The following RGS1 variants were observed in gnomAD, a reference collection of about 807,000 sequenced individuals.
The protein encoded by RGS1 is B-cell activation protein BL34.
A neutral mutation model predicts 22.2 loss-of-function variants in RGS1; 11 were observed. The observed-to-expected ratio is 0.50, with a 90% CI of 0.31 to 0.82. The LOEUF (loss-of-function observed/expected upper bound fraction) is 0.82, where lower values mean the gene tolerates loss of function less well. RGS1 is among the 40% of genes least tolerant of loss of function. The pLI, the probability that RGS1 is intolerant of heterozygous loss-of-function variation, is 0.04. For synonymous variants in RGS1, 81 were observed against 79.9 expected, an observed-to-expected ratio of 1.01 and a Z score of -0.07; for missense variants, 255 against 245.8, an observed-to-expected ratio of 1.04 and a Z score of -0.25.
At chr1:192,577,554 C>T (rs1227129268) in intron 3 of RGS1, 1 of 151,780 alleles carries the variant, frequency 6.6e-6, no homozygotes, top group Admixed American at 6.6e-5. Context: ...AGTGTGGTCT[C>T]TATCTCTAAA....
intron 3 of RGS1, 56 bp downstream of exon 3, chr1:192,576,891 T>A: frequency 2.1e-6 from 3 of 1,431,758 alleles, no homozygotes; most frequent in Non-Finnish European, 2.9e-6. Context: ...AAAAATTGAA[T>A]GGCTTCACTA....
intron 2 of RGS1, 115 bp downstream of exon 2, chr1:192,576,480 G>A: frequency 2.7e-6 from 2 of 737,946 alleles, no homozygotes; most frequent in Non-Finnish European, 4.5e-6. Context: ...TTTCTTTTAA[G>A]TAACATGCCA....
At chr1:192,577,743 T>C (rs762216375) in intron 3 of RGS1, 2 of 160,418 alleles carry the variant, frequency 1.2e-5, no homozygotes, top group African/African-American at 2.4e-5. Context: ...ACATAATTAG[T>C]ACATCAGGCC....
Position 192,579,314 on chromosome 1 carries a change from C to G in RGS1, c.622C>G (p.Leu208Val). Residue 208 changes from leucine (L) to valine (V), a missense_variant, in exon 5 of 5, where the codon CTA (leucine) becomes GTA (valine). By Grantham distance (32) the Leu-to-Val change is conservative. Coordinates refer to ENST00000367459, the MANE Select transcript of RGS1 (RefSeq NM_002922.4). ...NLLNDLQANS[L>V]K is the part of the protein sequence containing the mutation. ...TCTAAATGACCTGCAGGCTAATAGC[C>G]TAAAGTGACTGGTCCCTGGCTGAAG... 1 of 1,612,334 alleles carries G rather than the reference C, an allele frequency of 6.2e-7. No homozygotes were observed.
chr1:192,579,004 G>A (rs981904808), intron 4 of RGS1, 133 bp from the exon 5 acceptor site: 2 of 795,744 alleles, frequency 2.5e-6, no homozygotes, highest in Admixed American at 5.7e-5. Flanking sequence ...TTTTACAAAG[G>A]CATTTAAGAG....
chr1:192,578,838 C>A, intron 4 of RGS1: 1 of 377,878 alleles, frequency 2.6e-6, no homozygotes. Flanking sequence ...TCTTAAATGC[C>A]TACATCACTC....
intron 3 of RGS1, 94 bp from the exon 4 acceptor site, chr1:192,578,128 A>G (rs1662096165): frequency 7.0e-7 from 1 of 1,418,882 alleles, no homozygotes; most frequent in African/African-American, 1.4e-5. Context: ...ATAGGAAGCA[A>G]TTGTATTTTT....
intron 2 of RGS1, 145 bp downstream of exon 2, chr1:192,576,510 T>C: frequency 1.5e-6 from 1 of 653,122 alleles, no homozygotes. Context: ...AGACTATCAG[T>C]ACCAATGTAA....
In RGS1 at chr1:192,579,873, A is replaced by G. The variant is rs1238586085; in HGVS notation, c.*551A>G. The G allele has an allele frequency of 6.6e-6, 1 of 152,206 alleles. No homozygotes were observed. Among genetic ancestry groups the G allele is most frequent in the Non-Finnish European group, 1.5e-5 (1 of 68,030 alleles). 9.4% of individuals were successfully genotyped at this position (152,206 alleles called of 1,614,324 possible). On this transcript the variant is annotated 3_prime_UTR_variant, in exon 5 of 5. Transcript: ENST00000367459. ...ATTGCTCTTAAAACCAGGGAGTCAGAATATATTTGTAAGTTAAATCATTGG... is the reference window on the plus strand; with the variant it reads ...ATTGCTCTTAAAACCAGGGAGTCAGGATATATTTGTAAGTTAAATCATTGG...
At chr1:192,577,655 T>C (rs1015465717) in intron 3 of RGS1, 2 of 154,034 alleles carry the variant, frequency 1.3e-5, no homozygotes, top group African/African-American at 4.8e-5. Context: ...ACTTTGTTTA[T>C]AATTCAGCTA....
chr1:192,576,201 C>T, intron 1 of RGS1, 84 bp from the exon 2 acceptor site: 1 of 1,182,110 alleles, frequency 8.5e-7, no homozygotes, highest in Non-Finnish European at 1.2e-6. Flanking sequence ...TTGCCTTATT[C>T]CTTAGAGAAA....
chr1:192,578,205 C>A lies in RGS1; in HGVS notation c.281-17C>A, dbSNP rs750850227. On this transcript the variant is annotated splice_polypyrimidine_tract_variant and intron_variant, in intron 3 of 4. Transcript: ENST00000367459. ...TTAATTTAATTATCTCCCCACCCAC[C>A]CCTCGTTTCTTTTTAGCTGGTCAAA... The A allele has an allele frequency of 6.9e-6, 11 of 1,593,412 alleles. No homozygotes were observed. The South Asian group carries it at 9.2e-5, about 13-fold the overall frequency.
rs542985822 is a variant in RGS1 at position 192,576,428 on chromosome 1, T to A, written c.218+63T>A. On this transcript the variant is annotated intron_variant, in intron 2 of 4. Coordinates refer to ENST00000367459, the MANE Select transcript of RGS1 (RefSeq NM_002922.4). ...ACAAGAGAAGCCTATGCATTATCTC[T>A]ATATCCCAGCAAGGGATAAATACTG... The A allele has an allele frequency of 5.8e-6, 7 of 1,208,988 alleles. No homozygotes were observed. The South Asian group carries it at 7.5e-5, about 13-fold the overall frequency. 74.9% of individuals were successfully genotyped at this position (1,208,988 alleles called of 1,614,324 possible).
intron 2 of RGS1, 141 bp from the exon 3 acceptor site, chr1:192,576,633 C>A: frequency 1.3e-6 from 1 of 775,766 alleles, no homozygotes; most frequent in Non-Finnish European, 1.9e-6. Flanking sequence ...GGAAGTTTTG[C>A]ATTTTGTGAA....
Position 192,575,922 on chromosome 1 carries a change from A to C in RGS1, c.130A>C (p.Lys44Gln). 6.2e-7 allele frequency: 1 copy of C among 1,612,898 alleles called. No homozygotes were observed. The highest frequency in any genetic ancestry group is 8.5e-7 in the Non-Finnish European group (1 of 1,179,256). Residue 44 changes from lysine (K) to glutamine (Q), a missense_variant, in exon 1 of 5, where the codon AAG (lysine) becomes CAG (glutamine). By Grantham distance (53) the Lys-to-Gln change is moderately conservative (BLOSUM62 1). Transcript: ENST00000367459. Reference protein sequence around the residue: ...LDDKMQKRRPKTFGMDMKAYL... With the variant: ...LDDKMQKRRPQTFGMDMKAYL... ...CGACAAAATGCAAAAAAGGAGGCCA[A>C]AGACTTTGTAAGTTTGTTCAGAGTC... is the stretch of plus-strand genomic sequence containing the variant.
At chr1:192,577,532 G>T (rs568169550) in intron 3 of RGS1, 80 of 152,320 alleles carry the variant, frequency 5.3e-4, no homozygotes, top group African/African-American at 1.7e-3. Flanking sequence ...TTTTTCAGAG[G>T]TGTAGATGAG....
intron 3 of RGS1, chr1:192,577,070 T>A (rs1662074312): frequency 2.6e-6 from 1 of 388,496 alleles, no homozygotes; most frequent in African/African-American, 2.1e-5. Flanking sequence ...TCATAGATCA[T>A]TATGGAGATA....
At position 192,576,286 on chromosome 1, in the gene RGS1, G is replaced by A. The variant is rs1303468858; in HGVS notation, c.139G>A (p.Gly47Arg). 6.3e-7 allele frequency: 1 copy of A among 1,599,702 alleles called. No individual in the cohort carries two copies. Among genetic ancestry groups the A allele is most frequent in the Non-Finnish European group, 8.6e-7 (1 of 1,169,046 alleles). Residue 47 changes from glycine to arginine, a missense_variant and splice_region_variant, in exon 2 of 5, where the codon GGA becomes AGA. Physicochemically the swap from Gly to Arg is moderately radical, Grantham distance 125. Coordinates refer to ENST00000367459, the MANE Select transcript of RGS1 (RefSeq NM_002922.4). ...TATTCACTTTTATGTCTTTTGTAGTGGAATGGATATGAAAGCATACCTGAG... is the reference window on the plus strand; with the variant it reads ...TATTCACTTTTATGTCTTTTGTAGTAGAATGGATATGAAAGCATACCTGAG... Reference protein sequence around the residue: ...KMQKRRPKTFGMDMKAYLRSM... With the variant: ...KMQKRRPKTFRMDMKAYLRSM...
rs1278451791 is a variant in RGS1, at chr1:192,576,081, G to T, written c.137+152G>T. 4.7e-5 allele frequency: 47 copies of T among 998,362 alleles called. 1 individual carries two copies. Among genetic ancestry groups the T allele is most frequent in the South Asian group, 8.7e-5 (5 of 57,340 alleles). 61.8% of individuals were successfully genotyped at this position (998,362 alleles called of 1,614,324 possible). On this transcript the variant is annotated intron_variant, in intron 1 of 4. Coordinates refer to ENST00000367459, the MANE Select transcript of RGS1 (RefSeq NM_002922.4). Reference sequence around the variant, plus strand: ...TGTGAGTAATAAGTAATATTCAGCTGCATTAAAAAATAAATCTTGATATGG... The same window carrying T: ...TGTGAGTAATAAGTAATATTCAGCTTCATTAAAAAATAAATCTTGATATGG...
Sources: allele counts gnomAD v4.1 joint callset, GRCh38; gene constraint gnomAD v4.1.1; transcripts MANE v1.5; gene names NCBI Gene and HGNC (gene_info 2026-07-23, HGNC 2026-07-21).